The following WASF2 variants were observed in gnomAD, a reference collection of about 807,000 sequenced individuals.
WASF2 encodes WASP family member 2, also known as actin-binding protein WASF2.
Under a neutral mutation model 45.0 loss-of-function variants are expected in WASF2, and 14 were observed. That is an observed-to-expected ratio of 0.31 (90% CI 0.21 to 0.49). The LOEUF (loss-of-function observed/expected upper bound fraction) is 0.49, where lower values mean the gene tolerates loss of function less well. Ranked by LOEUF, WASF2 falls within the 20% of genes least tolerant of loss-of-function variation. The pLI is 0.99. For synonymous variants in WASF2, 200 were observed against 236.3 expected, an observed-to-expected ratio of 0.85 and a Z score of 1.41; for missense variants, 439 against 636.1, an observed-to-expected ratio of 0.69 and a Z score of 3.33.
chr1:27,414,811 A>G lies in WASF2; in HGVS notation c.668+22T>C. On this transcript the variant is annotated intron_variant, in intron 6 of 8. Coordinates refer to ENST00000618852, the MANE Select transcript of WASF2 (RefSeq NM_006990.5). The surrounding 1 kb of genome is among the most constrained non-coding windows in gnomAD (Gnocchi z 4.1). Reference sequence around the variant, plus strand: ...CCAGCCCCTTCAAAGAATGCTACCAACAGTACAAAGGCATTACCTACCCAG... The same window carrying G: ...CCAGCCCCTTCAAAGAATGCTACCAGCAGTACAAAGGCATTACCTACCCAG... 1 of 1,613,426 alleles carries G rather than the reference A, an allele frequency of 6.2e-7. No homozygotes were observed. Among genetic ancestry groups the G allele is most frequent in the Non-Finnish European group, 8.5e-7 (1 of 1,179,644 alleles).
chr1:27,428,612 CT>C, intron 2 of WASF2, 148 bp downstream of exon 2: 1 of 1,187,736 alleles, frequency 8.4e-7, no homozygotes, highest in Non-Finnish European at 1.2e-6. Context: ...AAAAGGGAGC[CT>C]CTCTTTGGGG....
intron 3 of WASF2, 137 bp from the exon 4 acceptor site, chr1:27,418,559 C>A: frequency 8.2e-7 from 1 of 1,225,800 alleles, no homozygotes; most frequent in African/African-American, 1.5e-5. Flanking sequence ...TTTTCCCTCC[C>A]CCTCTGGGGA....
chr1:27,407,465 C>G lies in WASF2; in HGVS notation c.*724G>C, dbSNP rs2016694508. 6.6e-6 allele frequency: 1 copy of G among 152,604 alleles called. No homozygotes were observed. Among genetic ancestry groups the G allele is most frequent in the African/African-American group, 2.4e-5 (1 of 41,406 alleles). The allele number at this position is 152,604 out of a possible 1,614,324, so 9.5% of individuals were successfully genotyped here. ...TAGAGGTTAAAACTGGGCTGTGTTG[C>G]CTGAAGGTATCTAGAGGTGGTGGTG... On this transcript the variant is annotated 3_prime_UTR_variant, in exon 9 of 9. Transcript: ENST00000618852.
intron 1 of WASF2, among the ~76,000 whole-genome samples, chr1:27,458,131 G>A (rs923095557): frequency 1.3e-4 from 19 of 151,420 alleles, no homozygotes; most frequent in Admixed American, 9.2e-4. Flanking sequence ...GTAACACAGC[G>A]AAACTCTGTC....
intron 1 of WASF2, among the ~76,000 whole-genome samples, chr1:27,432,422 G>A (rs1019269089): frequency 2.0e-5 from 3 of 152,018 alleles, no homozygotes; most frequent in South Asian, 4.1e-4. Flanking sequence ...GCCGAGGCGG[G>A]CGGATCACGA....
chr1:27,432,945 T>C (rs1188168765), intron 1 of WASF2, among the ~76,000 whole-genome samples: 2 of 152,122 alleles, frequency 1.3e-5, no homozygotes, highest in Non-Finnish European at 2.9e-5. Context: ...TTATCTTTTA[T>C]AGAGATGGGG....
At chr1:27,443,443 G>A (rs919937131) in intron 1 of WASF2, among the ~76,000 whole-genome samples, 1 of 151,598 alleles carries the variant, frequency 6.6e-6, no homozygotes, top group African/African-American at 2.4e-5. Flanking sequence ...GTGAAACTCC[G>A]TCTCTACTAA....
At chr1:27,448,375 A>C (rs529192010) in intron 1 of WASF2, among the ~76,000 whole-genome samples, 1 of 152,328 alleles carries the variant, frequency 6.6e-6, no homozygotes, top group East Asian at 1.9e-4. Flanking sequence ...ATCGTACTCA[A>C]AGCAGAATCA....
chr1:27,439,404 A>G lies in WASF2; in HGVS notation c.-43-10471T>C, dbSNP rs187585688. Among the ~76,000 whole-genome samples the G allele has an allele frequency of 3.9e-3, 593 of 152,342 alleles. 4 individuals carry two copies. The highest frequency in any genetic ancestry group is 6.3e-3 in the Non-Finnish European group (432 of 68,036). ...CACATGCCCTGTTCTAAATGTTTAT[A>G]TATGGTTCTCTTAAGCATTATACAA... On this transcript the variant is annotated intron_variant, in intron 1 of 8. Coordinates refer to ENST00000618852, the MANE Select transcript of WASF2 (RefSeq NM_006990.5).
chr1:27,476,649 C>T (rs2017770628), intron 1 of WASF2, among the ~76,000 whole-genome samples: 1 of 151,938 alleles, frequency 6.6e-6, no homozygotes, highest in Non-Finnish European at 1.5e-5. Context: ...CTATTTTTCC[C>T]CCAGAGAATT....
intron 1 of WASF2, among the ~76,000 whole-genome samples, chr1:27,429,302 A>G (rs1033948580): frequency 1.3e-5 from 2 of 152,146 alleles, no homozygotes; most frequent in African/African-American, 4.8e-5. Flanking sequence ...GACGGTACAG[A>G]TCCTATCCCT....
intron 1 of WASF2, among the ~76,000 whole-genome samples, chr1:27,461,039 G>A (rs2017537326): frequency 6.6e-6 from 1 of 151,988 alleles, no homozygotes; most frequent in South Asian, 2.1e-4. Context: ...CCAACTACTC[G>A]GCAGGCTGAG....
At chr1:27,476,803 C>T (rs2017772280) in intron 1 of WASF2, among the ~76,000 whole-genome samples, 1 of 152,124 alleles carries the variant, frequency 6.6e-6, no homozygotes, top group African/African-American at 2.4e-5. Context: ...GTGAAATCTT[C>T]CCAGTTTGCA....
At position 27,409,693 on chromosome 1, in the gene WASF2, T is replaced by C. The variant is rs777337206; in HGVS notation, c.1338A>G (p.Gln446=). Reference sequence around the variant, plus strand: ...CCCAAACCCACCATTGAAATTTACCTTGACGGATGGCTGAAAGCAGGTCGC... The same window carrying C: ...CCCAAACCCACCATTGAAATTTACCCTGACGGATGGCTGAAAGCAGGTCGC... ...ARSDLLSAIR[Q]GFQLRRVEEQ... The change falls in exon 8 of 9, where the codon CAA becomes CAG. Residue 446 remains glutamine (Q), a splice_region_variant and synonymous_variant. Transcript: ENST00000618852. The C allele has an allele frequency of 3.3e-6, 5 of 1,494,528 alleles. No individual in the cohort carries two copies. Among genetic ancestry groups the C allele is most frequent in the Admixed American group, 2.3e-5 (1 of 42,608 alleles). 92.6% of individuals were successfully genotyped at this position (1,494,528 alleles called of 1,614,324 possible).
intron 1 of WASF2, among the ~76,000 whole-genome samples, chr1:27,480,212 A>G (rs1028924076): frequency 2.0e-5 from 3 of 152,180 alleles, no homozygotes; most frequent in Non-Finnish European, 4.4e-5. Context: ...TTTAAGAGCA[A>G]ACTTTTTAAA....
intron 1 of WASF2, among the ~76,000 whole-genome samples, chr1:27,443,840 G>A (rs534495324): frequency 5.3e-5 from 8 of 152,052 alleles, no homozygotes; most frequent in South Asian, 4.2e-4. Context: ...GTGCAGGGGG[G>A]GGTGATCTCA....
At chr1:27,454,977 T>C (rs1162306006) in intron 1 of WASF2, among the ~76,000 whole-genome samples, 1 of 152,150 alleles carries the variant, frequency 6.6e-6, no homozygotes, top group African/African-American at 2.4e-5. Context: ...TTCTTTAGGG[T>C]AAATACCCAG....
Position 27,409,970 on chromosome 1 carries a change from G to A in WASF2, c.1061C>T (p.Ser354Phe). 1 of 1,613,164 alleles carries A rather than the reference G, an allele frequency of 6.2e-7. No individual in the cohort carries two copies. The highest frequency in any genetic ancestry group is 8.5e-7 in the Non-Finnish European group (1 of 1,179,588). Residue 354 changes from serine to phenylalanine, a missense_variant, in exon 8 of 9, where the codon TCT becomes TTT. Physicochemically the swap from Ser to Phe is radical, Grantham distance 155. Coordinates refer to ENST00000618852, the MANE Select transcript of WASF2 (RefSeq NM_006990.5). ...PGTPPPPSPP[S>F]FPPHPDFAAP... Reference sequence around the variant, plus strand: ...AGCAAAATCAGGGTGAGGTGGGAAAGATGGGGGTGAGGGTGGTGGAGGCGT... The same window carrying A: ...AGCAAAATCAGGGTGAGGTGGGAAAAATGGGGGTGAGGGTGGTGGAGGCGT...
chr1:27,480,536 T>G (rs933649367), intron 1 of WASF2, among the ~76,000 whole-genome samples: 1 of 149,706 alleles, frequency 6.7e-6, no homozygotes. Flanking sequence ...AAAATAAAAA[T>G]AAAATAAAAT....
Sources: allele counts gnomAD v4.1 joint callset (sites outside exome capture counted in the v4.1 genomes callset), GRCh38; gene constraint gnomAD v4.1.1; non-coding constraint Gnocchi (gnomAD v3.1); transcripts MANE v1.5; gene names NCBI Gene and HGNC (gene_info 2026-07-23, HGNC 2026-07-21).